The following NAP1L1 variants were observed in gnomAD, a reference collection of about 807,000 sequenced individuals.
NAP1L1 encodes nucleosome assembly protein 1 like 1, also known as nucleosome assembly protein 1-like 1.
In NAP1L1, 9 loss-of-function variants were observed where a neutral mutation model predicts 58.9. The observed-to-expected ratio is 0.15, with a 90% confidence interval of 0.09 to 0.27. The LOEUF is 0.27. Among genes scored for constraint, NAP1L1 ranks in the 10% least tolerant of loss-of-function variants. NAP1L1 has a pLI of 1.00. For missense variants in NAP1L1, 302 were observed against 458.8 expected (o/e 0.66, Z 3.12); for synonymous variants, 130 against 138.3 (o/e 0.94, Z 0.42).
At chr12:76,061,107 C>A (rs1380408991) in intron 4 of NAP1L1, 4 of 398,886 alleles carry the variant, frequency 1.0e-5, no homozygotes, top group Admixed American at 3.1e-5. Context: ...AAATAAATAA[C>A]AGCTTTGATG....
rs1699299306 is a variant in NAP1L1, at chr12:76,047,300, T to C, written c.*1129A>G. ...ACGGGTAAGTGACATACTCATACTTTAAGCAATAAGAATTAGAAGAAACCA... is the reference window on the plus strand; with the variant it reads ...ACGGGTAAGTGACATACTCATACTTCAAGCAATAAGAATTAGAAGAAACCA... On this transcript the variant is annotated 3_prime_UTR_variant, in exon 15 of 15. Coordinates refer to ENST00000618691, the MANE Select transcript of NAP1L1 (RefSeq NM_004537.7). 6.6e-6 allele frequency: 1 copy of C among 152,256 alleles called. No homozygotes were observed. The allele number at this position is 152,256 out of a possible 1,614,324, so 9.4% of individuals were successfully genotyped here.
chr12:76,049,337 C>T (rs1446398733), intron 13 of NAP1L1, 87 bp from the exon 14 acceptor site: 5 of 1,601,596 alleles, frequency 3.1e-6, no homozygotes, highest in Admixed American at 1.7e-5. Context: ...ATACAAGTTA[C>T]TCTACGGATC....
At chr12:76,080,478 G>T (rs1426559484) in intron 1 of NAP1L1, among the ~76,000 whole-genome samples, 5 of 152,176 alleles carry the variant, frequency 3.3e-5, no homozygotes, top group Admixed American at 6.5e-5. Context: ...ACAACAAACA[G>T]GCTATACCAT....
chr12:76,060,446 C>A (rs1409159575), intron 4 of NAP1L1, among the ~76,000 whole-genome samples, 167 bp from the exon 5 acceptor site: 1 of 152,060 alleles, frequency 6.6e-6, no homozygotes, highest in Non-Finnish European at 1.5e-5. Context: ...ATACATTGAT[C>A]CACTGGCTAT....
At chr12:76,082,195 T>G (rs1041515121) in intron 1 of NAP1L1, among the ~76,000 whole-genome samples, 2 of 152,220 alleles carry the variant, frequency 1.3e-5, no homozygotes, top group Admixed American at 6.5e-5. Flanking sequence ...CTTCAGACCT[T>G]TGAAGTCCAA....
chr12:76,056,193 A>G (rs755401888), intron 6 of NAP1L1, 32 bp from the exon 7 acceptor site: 66 of 1,597,228 alleles, frequency 4.1e-5, no homozygotes, highest in Non-Finnish European at 2.6e-5. Context: ...ATTATTTAAT[A>G]CATAGATTAG....
chr12:76,061,408 G>A (rs1426765823), intron 4 of NAP1L1, among the ~76,000 whole-genome samples: 1 of 152,178 alleles, frequency 6.6e-6, no homozygotes, highest in Non-Finnish European at 1.5e-5. Flanking sequence ...GTGTTAGTTT[G>A]TTAAGGATAA....
chr12:76,057,505 G>A, intron 6 of NAP1L1: 1 of 686,674 alleles, frequency 1.5e-6, no homozygotes, highest in South Asian at 1.5e-5. Context: ...GAGCAGAGCT[G>A]GCGGGGCCTG....
intron 1 of NAP1L1, chr12:76,074,493 T>C (rs920094130): frequency 3.5e-5 from 10 of 282,992 alleles, no homozygotes; most frequent in African/African-American, 1.1e-4. Context: ...GAATCTGTTG[T>C]ATAAAGACTA....
rs1451568402 is a variant in NAP1L1 at position 76,042,362 on chromosome 12, A to C, written c.*6067T>G. 2.0e-5 allele frequency: 3 copies of C among 152,202 alleles called. No homozygotes were observed. Among genetic ancestry groups the C allele is most frequent in the African/African-American group, 7.2e-5 (3 of 41,444 alleles). The allele number at this position is 152,202 out of a possible 1,614,324, so 9.4% of individuals were successfully genotyped here. On this transcript the variant is annotated 3_prime_UTR_variant, in exon 15 of 15. Transcript: ENST00000618691. ...TTTCGCAATACAGATGAAAAGACTG[A>C]TGCTGAACCAACAGGTGGTAGACAG... is the stretch of plus-strand genomic sequence containing the variant.
intron 2 of NAP1L1, among the ~76,000 whole-genome samples, chr12:76,073,189 G>A (rs1405372979): frequency 6.6e-6 from 1 of 151,938 alleles, no homozygotes; most frequent in East Asian, 1.9e-4. Context: ...AAATGCGTAA[G>A]AGTGGCCCAA....
intron 4 of NAP1L1, among the ~76,000 whole-genome samples, chr12:76,066,841 G>A (rs192757986): frequency 1.3e-5 from 2 of 151,998 alleles, no homozygotes; most frequent in South Asian, 4.2e-4. Context: ...CATGTACAAA[G>A]ATGTCTATAA....
chr12:76,078,994 TACAC>T (rs756057648), intron 1 of NAP1L1, among the ~76,000 whole-genome samples: 6 of 151,308 alleles, frequency 4.0e-5, no homozygotes, highest in South Asian at 2.1e-4. Context: ...TATATATATA[TACAC>T]ACACACACAC....
At chr12:76,069,290 T>C (rs1433929478) in intron 2 of NAP1L1, among the ~76,000 whole-genome samples, 1 of 152,370 alleles carries the variant, frequency 6.6e-6, no homozygotes, top group Non-Finnish European at 1.5e-5. Flanking sequence ...TTCAACCGAA[T>C]ATCTACTGAT....
At chr12:76,056,400 A>G (rs1459455165) in intron 6 of NAP1L1, 2 of 411,516 alleles carry the variant, frequency 4.9e-6, no homozygotes, top group South Asian at 2.5e-5. Context: ...CATTTTAGTA[A>G]AAAAAAAATG....
chr12:76,055,257 A>T (rs1949027792), intron 7 of NAP1L1, among the ~76,000 whole-genome samples, 167 bp from the exon 8 acceptor site: 2 of 152,224 alleles, frequency 1.3e-5, no homozygotes, highest in South Asian at 4.1e-4. Flanking sequence ...TACTAAAGCT[A>T]ATTTATACTG....
intron 1 of NAP1L1, among the ~76,000 whole-genome samples, chr12:76,083,386 G>A (rs577610585): frequency 2.0e-5 from 3 of 150,350 alleles, no homozygotes; most frequent in African/African-American, 7.4e-5. Context: ...TGCAGGGGTG[G>A]TCCGATCTTT....
In NAP1L1 at chr12:76,038,094, A is replaced by G. The variant is rs1871093041; in HGVS notation, c.*10335T>C. 1.3e-5 allele frequency: 2 copies of G among 152,204 alleles called. No individual in the cohort carries two copies. Among genetic ancestry groups the G allele is most frequent in the Non-Finnish European group, 1.5e-5 (1 of 68,036 alleles). The allele number at this position is 152,204 out of a possible 1,614,324, so 9.4% of individuals were successfully genotyped here. A position where few individuals can be genotyped will look rare whatever the true frequency, so the allele number is the denominator to read the frequency against. ...AGCAGAGAGGAAGGTAATCCAATGA[A>G]GGAGGCTGAGAGAACCAGTATTATG... On this transcript the variant is annotated 3_prime_UTR_variant, in exon 15 of 15. Transcript: ENST00000618691.
chr12:76,038,949 G>A lies in NAP1L1; in HGVS notation c.*9480C>T. On this transcript the variant is annotated 3_prime_UTR_variant, in exon 15 of 15. Coordinates refer to ENST00000618691, the MANE Select transcript of NAP1L1 (RefSeq NM_004537.7). ...TTTGTGCATGCATGGTTCTGAGAAA[G>A]GTTATCATGCAAAATGAAATAAAAA... The A allele has an allele frequency of 6.6e-6, 1 of 152,096 alleles. No individual in the cohort carries two copies. Among genetic ancestry groups the A allele is most frequent in the East Asian group, 1.9e-4 (1 of 5,200 alleles). 9.4% of individuals were successfully genotyped at this position (152,096 alleles called of 1,614,324 possible). A position where few individuals can be genotyped will look rare whatever the true frequency, so the allele number is the denominator to read the frequency against.
Sources: gnomAD v4.1 joint callset for allele counts (sites outside exome capture counted in the v4.1 genomes callset) on GRCh38, gnomAD v4.1.1 for gene constraint, MANE v1.5 for transcripts, NCBI Gene and HGNC (gene_info 2026-07-23, HGNC 2026-07-21) for gene names.